Variants in USP25 observed in about 807,000 individuals in gnomAD.
The protein encoded by USP25 is ubiquitin specific peptidase 25.
In USP25, 85 loss-of-function variants were observed where a neutral mutation model predicts 158.5. The observed-to-expected ratio is 0.54, with a 90% CI of 0.45 to 0.64. The LOEUF is 0.64. Among genes scored for constraint, USP25 ranks in the 30% least tolerant of loss-of-function variants. The pLI is 0.00. For missense variants in USP25, 1,242 were observed against 1,327.3 expected (o/e 0.94, Z 1.00); for synonymous variants, 464 against 460.4 (o/e 1.01, Z -0.10).
intron 1 of USP25, among the ~76,000 whole-genome samples, chr21:15,758,693 C>T (rs554831304): frequency 6.6e-6 from 1 of 152,256 alleles, no homozygotes; most frequent in South Asian, 2.1e-4. Flanking sequence ...CTCACAGTTC[C>T]ACATTGTCAG....
chr21:15,829,744 A>T (rs1352613004), intron 14 of USP25, among the ~76,000 whole-genome samples: 1 of 151,920 alleles, frequency 6.6e-6, no homozygotes, highest in Non-Finnish European at 1.5e-5. Context: ...CCAGTTTTTC[A>T]TTTGATTTTA....
intron 23 of USP25, among the ~76,000 whole-genome samples, 153 bp downstream of exon 23, chr21:15,870,300 A>G (rs74408954): frequency 0.041 from 6,211 of 152,280 alleles, 166 homozygotes; most frequent in East Asian, 0.076. Flanking sequence ...GAAAAATTAC[A>G]CAGTTGATAT....
At chr21:15,794,550 A>G (rs1411092354) in intron 5 of USP25, among the ~76,000 whole-genome samples, 1 of 151,536 alleles carries the variant, frequency 6.6e-6, no homozygotes, top group Non-Finnish European at 1.5e-5. Flanking sequence ...TTGAAGTGGT[A>G]TGGGTGCTCA....
chr21:15,874,592 A>C, intron 24 of USP25, 66 bp downstream of exon 24: 8 of 1,463,134 alleles, frequency 5.5e-6, no homozygotes, highest in Non-Finnish European at 6.4e-6. Flanking sequence ...TTCCAGACTC[A>C]TATATAAGTG....
intron 6 of USP25, among the ~76,000 whole-genome samples, chr21:15,803,492 A>G (rs2036230129): frequency 6.6e-6 from 1 of 151,852 alleles, no homozygotes; most frequent in African/African-American, 2.4e-5. Context: ...AACAGACTAA[A>G]GAAGGAAAAC....
In USP25 at chr21:15,846,154, ATATATTTTTTTTTT is replaced by A. The variant is rs1431070767; in HGVS notation, c.2338-1507_2338-1494del. On this transcript the variant is annotated intron_variant, in intron 18 of 25. Coordinates refer to ENST00000400183, the MANE Select transcript of USP25 (RefSeq NM_001283041.3). ...TATATATATATATATATATATATAT[ATATATTTTTTTTTT>A]TTTTTTTTTTTTGAGACAGAGTCTT... is the stretch of plus-strand genomic sequence containing the variant. Among the ~76,000 whole-genome samples the A allele has an allele frequency of 3.7e-4, 16 of 43,548 alleles. 1 individual carries two copies. In the African/African-American group the frequency reaches 3.7e-3, roughly 10 times the overall value. The allele number at this position is 43,548 out of a possible 152,430, so 28.6% of individuals were successfully genotyped here. A position where few individuals can be genotyped will look rare whatever the true frequency, so the allele number is the denominator to read the frequency against.
Position 15,878,297 on chromosome 21 carries a change from T to C in USP25, c.3206-6T>C, listed in dbSNP as rs1170481396. On this transcript the variant is annotated splice_region_variant and splice_polypyrimidine_tract_variant and intron_variant, in intron 25 of 25. Transcript: ENST00000400183. ...TTTAGTTAGATTTAATTGTTTGTAT[T>C]TGCAGCACACCTCCAAGAAAAGCTG... 6.2e-7 allele frequency: 1 copy of C among 1,609,606 alleles called. No individual in the cohort carries two copies. The highest frequency in any genetic ancestry group is 8.5e-7 in the Non-Finnish European group (1 of 1,177,812).
intron 20 of USP25, among the ~76,000 whole-genome samples, chr21:15,851,102 A>G (rs1051211400): frequency 2.6e-5 from 4 of 151,866 alleles, no homozygotes; most frequent in Non-Finnish European, 4.4e-5. Context: ...CAGATAGTCT[A>G]CATTTTCTTT....
chr21:15,831,017 C>T (rs139231049), intron 15 of USP25, among the ~76,000 whole-genome samples: 35 of 152,236 alleles, frequency 2.3e-4, no homozygotes, highest in Middle Eastern at 3.4e-3. Flanking sequence ...TGGTGTATAT[C>T]ATATAATCTA....
chr21:15,868,808 A>G (rs943737228), intron 22 of USP25, among the ~76,000 whole-genome samples: 5 of 152,294 alleles, frequency 3.3e-5, no homozygotes, highest in African/African-American at 1.2e-4. Flanking sequence ...TTGCCTACTC[A>G]CAACTTCTAA....
rs749014937 is a variant in USP25 at position 15,766,002 on chromosome 21, T to C, written c.129T>C (p.Ser43=). 3.1e-6 allele frequency: 5 copies of C among 1,603,226 alleles called. No homozygotes were observed. The highest frequency in any genetic ancestry group is 1.7e-5 in the Admixed American group (1 of 58,078). ...TQILQQALKD[S]NGNLELAVAF... is the part of the protein sequence containing the mutation. ...TCCTTTCTTGATATTTGAAGGATAG[T>C]AATGGAAACTTGGAATTAGCAGTGG... Residue 43 remains serine, a synonymous_variant, in exon 3 of 26, where the codon AGT becomes AGC. Transcript: ENST00000400183. The surrounding 1 kb of genome is among the most constrained non-coding windows in gnomAD (Gnocchi z 4.0).
At chr21:15,800,185 C>A (rs540876510) in intron 6 of USP25, among the ~76,000 whole-genome samples, 3 of 151,208 alleles carry the variant, frequency 2.0e-5, no homozygotes, top group East Asian at 3.9e-4. Context: ...ATCGAAATTT[C>A]TTTTCAATTG....
intron 4 of USP25, among the ~76,000 whole-genome samples, chr21:15,784,348 G>A (rs866004220): frequency 6.6e-6 from 1 of 152,168 alleles, no homozygotes; most frequent in South Asian, 2.1e-4. Flanking sequence ...TGAGGCTGGC[G>A]GATCATCTGA....
At chr21:15,818,298 T>C (rs2037053177) in intron 9 of USP25, among the ~76,000 whole-genome samples, 1 of 152,140 alleles carries the variant, frequency 6.6e-6, no homozygotes, top group Admixed American at 6.6e-5. Flanking sequence ...TTTGTAATTA[T>C]TTGTTTATAA....
In USP25 at chr21:15,843,231, CCTGTAGTCATTTAT is replaced by C. The variant is rs2146448563; in HGVS notation, c.2337+694_2337+707del. 6.6e-6 allele frequency among the ~76,000 whole-genome samples: 1 copy of C among 152,216 alleles called. No individual in the cohort carries two copies. Among genetic ancestry groups the C allele is most frequent in the South Asian group, 2.1e-4 (1 of 4,812 alleles). On this transcript the variant is annotated intron_variant, in intron 18 of 25. Coordinates refer to ENST00000400183, the MANE Select transcript of USP25 (RefSeq NM_001283041.3). The surrounding 1 kb of genome is among the most constrained non-coding windows in gnomAD (Gnocchi z 4.0). ...TTTGTTACTACTAAACCTTTTAGTT[CCTGTAGTCATTTAT>C]CTTTTATTAGTGAGCATAAGCAGCT...
Position 15,781,993 on chromosome 21 carries a change from C to T in USP25, c.392+3966C>T, listed in dbSNP as rs552921963. On this transcript the variant is annotated intron_variant, in intron 4 of 25. Transcript: ENST00000400183. ...CTGGAGGCCAGTAGCCACCCTGTAT[C>T]CCAGAGGCATTGCCCTCATTCCACA... Among the ~76,000 whole-genome samples, 5 of 152,284 alleles carry T rather than the reference C, an allele frequency of 3.3e-5. No homozygotes were observed. In the South Asian group the frequency reaches 1.0e-3, roughly 32 times the overall value.
rs1456649945 is a variant in USP25 at position 15,826,680 on chromosome 21, G to A, written c.1467-297G>A. On this transcript the variant is annotated intron_variant, in intron 13 of 25. Transcript: ENST00000400183. This position sits in a 1 kb window ranked among gnomAD's most constrained non-coding sequence, Gnocchi z 4.8. ...AAATAGTACTATCAAATTAGAATTTGTTTCTGTAATGTAAGCTGATAAGCC... is the reference window on the plus strand; with the variant it reads ...AAATAGTACTATCAAATTAGAATTTATTTCTGTAATGTAAGCTGATAAGCC... Among the ~76,000 whole-genome samples the A allele has an allele frequency of 6.6e-6, 1 of 152,080 alleles. No individual in the cohort carries two copies. The highest frequency in any genetic ancestry group is 1.9e-4 in the East Asian group (1 of 5,196).
intron 6 of USP25, among the ~76,000 whole-genome samples, chr21:15,802,556 A>T (rs563761593): frequency 2.0e-5 from 3 of 151,750 alleles, no homozygotes; most frequent in Non-Finnish European, 4.4e-5. Context: ...CCAAGGGACA[A>T]AAAAACAAAT....
chr21:15,811,284 A>AT lies in USP25; in HGVS notation c.931+81dup, dbSNP rs2036649679. ...TCATTCATTCGTCTCGATAGTTACT[A>AT]TTTTTTTAGTGGACTTTATTTTTAA... is the stretch of plus-strand genomic sequence containing the variant. On this transcript the variant is annotated intron_variant, in intron 9 of 25. Transcript: ENST00000400183. 6 of 1,341,712 alleles carry AT rather than the reference A, an allele frequency of 4.5e-6. No individual in the cohort carries two copies. The East Asian group carries it at 7.0e-5, about 16-fold the overall frequency. 83.1% of individuals were successfully genotyped at this position (1,341,712 alleles called of 1,614,324 possible).
Sources: gnomAD v4.1 joint callset for allele counts (sites outside exome capture counted in the v4.1 genomes callset) on GRCh38, gnomAD v4.1.1 for gene constraint, Gnocchi (gnomAD v3.1) non-coding constraint, MANE v1.5 for transcripts, NCBI Gene and HGNC (gene_info 2026-07-23, HGNC 2026-07-21) for gene names.